IFT52: variants seen among roughly 807,000 people sequenced by gnomAD.
The protein encoded by IFT52 is intraflagellar transport protein 52 homolog.
In IFT52, 44 loss-of-function variants were observed where a neutral mutation model predicts 54.4. The observed-to-expected ratio is 0.81, with a 90% CI of 0.63 to 1.04. IFT52 has a LOEUF of 1.04. IFT52 is among the 50% of genes least tolerant of loss of function. IFT52 has a pLI of 0.00. For synonymous variants in IFT52, 181 were observed against 185.3 expected (o/e 0.98, Z 0.19); for missense variants, 452 against 523.6 (o/e 0.86, Z 1.33).
rs902680485 is a variant in IFT52, at chr20:43,637,331, C to T, written c.1120+78C>T. The T allele has an allele frequency of 7.4e-5, 50 of 678,382 alleles. No homozygotes were observed. The East Asian group carries it at 9.7e-4, about 13-fold the overall frequency. The allele number at this position is 678,382 out of a possible 1,614,324, so 42.0% of individuals were successfully genotyped here. A position where few individuals can be genotyped will look rare whatever the true frequency, so the allele number is the denominator to read the frequency against. The stretch of plus-strand genomic sequence containing the variant: ...AGGCTGGAGTGCAATGGTGCGATCT[C>T]GGCTCACTGCAACCTCTGTCTCCCA... On this transcript the variant is annotated intron_variant, in intron 12 of 13. Coordinates refer to ENST00000373030, the MANE Select transcript of IFT52 (RefSeq NM_016004.5).
At position 43,643,485 on chromosome 20, in the gene IFT52, C is replaced by CA. The variant is rs559641727; in HGVS notation, c.1266+871dup. Among the ~76,000 whole-genome samples, 236 of 45,990 alleles carry CA rather than the reference C, an allele frequency of 5.1e-3. 89 individuals are homozygous for CA. The highest frequency in any genetic ancestry group is 0.014 in the African/African-American group (222 of 15,902). The allele number at this position is 45,990 out of a possible 152,430, so 30.2% of individuals were successfully genotyped here. A position where few individuals can be genotyped will look rare whatever the true frequency, so the allele number is the denominator to read the frequency against. ...TGGGTAAGAGAGTGAGACTCTGTCT[C>CA]AAAAAAAAAACAAAAAAATAGAGCT... On this transcript the variant is annotated intron_variant, in intron 13 of 13. Coordinates refer to ENST00000373030, the MANE Select transcript of IFT52 (RefSeq NM_016004.5).
At chr20:43,630,073 T>G (rs1177812747) in intron 10 of IFT52, among the ~76,000 whole-genome samples, 2 of 151,908 alleles carry the variant, frequency 1.3e-5, no homozygotes, top group Non-Finnish European at 1.5e-5. Context: ...GCGTGACATC[T>G]GCATCACCCC....
chr20:43,606,668 A>T (rs1247835753), intron 6 of IFT52, among the ~76,000 whole-genome samples: 1 of 151,690 alleles, frequency 6.6e-6, no homozygotes. Flanking sequence ...ACAATAGTGG[A>T]GGGAAGGTCA....
intron 6 of IFT52, among the ~76,000 whole-genome samples, chr20:43,606,182 T>C (rs1292247172): frequency 6.6e-6 from 1 of 151,446 alleles, no homozygotes. Flanking sequence ...CATCGTACCA[T>C]TGCACTCTAG....
Position 43,591,705 on chromosome 20 carries a change from A to G in IFT52, c.-7+651A>G, listed in dbSNP as rs574739366. On this transcript the variant is annotated intron_variant, in intron 1 of 13. Transcript: ENST00000373030. ...TGCTAATAAGGGAGATTAGCTCTCC[A>G]GAACCACCAGATATTATAACATAAA... 3.9e-5 allele frequency among the ~76,000 whole-genome samples: 6 copies of G among 152,334 alleles called. No individual in the cohort carries two copies. In the East Asian group the frequency reaches 1.2e-3, roughly 29 times the overall value.
chr20:43,607,576 G>T (rs1013823226), intron 6 of IFT52, among the ~76,000 whole-genome samples: 25 of 148,126 alleles, frequency 1.7e-4, no homozygotes, highest in African/African-American at 6.0e-4. Flanking sequence ...ACGATGGGCG[G>T]CCGGGCAGAG....
intron 10 of IFT52, among the ~76,000 whole-genome samples, chr20:43,625,167 C>T (rs1008389896): frequency 6.6e-6 from 1 of 152,004 alleles, no homozygotes; most frequent in Admixed American, 6.6e-5. Context: ...TGATTACATA[C>T]GTCAAGCAGA....
intron 10 of IFT52, among the ~76,000 whole-genome samples, chr20:43,633,359 A>C (rs78590105): frequency 0.016 from 2,457 of 151,906 alleles, 70 homozygotes; most frequent in African/African-American, 0.057. Context: ...AAAAAGGTCA[A>C]AATTATTTAT....
chr20:43,595,300 G>C (rs1332844484), intron 2 of IFT52, among the ~76,000 whole-genome samples: 2 of 118,592 alleles, frequency 1.7e-5, no homozygotes, highest in Non-Finnish European at 3.2e-5. Flanking sequence ...CTGGGCAACA[G>C]AGTGAGACTC....
chr20:43,639,907 G>C (rs1985799570), intron 12 of IFT52, among the ~76,000 whole-genome samples: 3 of 152,084 alleles, frequency 2.0e-5, no homozygotes, highest in African/African-American at 7.2e-5. Flanking sequence ...TGGGTGCGAT[G>C]GCTCACACCT....
At chr20:43,599,492 C>A (rs1982258594) in intron 3 of IFT52, among the ~76,000 whole-genome samples, 1 of 152,170 alleles carries the variant, frequency 6.6e-6, no homozygotes. Context: ...TGACACCATA[C>A]CTTCTCTTTA....
intron 6 of IFT52, 139 bp from the exon 7 acceptor site, chr20:43,613,711 C>G: frequency 2.6e-6 from 2 of 756,596 alleles, no homozygotes; most frequent in Non-Finnish European, 4.4e-6. Context: ...GAGCCAAGAT[C>G]GCACCACTGC....
At chr20:43,602,379 C>G (rs1982534370) in intron 3 of IFT52, among the ~76,000 whole-genome samples, 1 of 152,052 alleles carries the variant, frequency 6.6e-6, no homozygotes, top group South Asian at 2.1e-4. Flanking sequence ...CCAGGCTGGT[C>G]TCGAGCTCCT....
At position 43,642,599 on chromosome 20, in the gene IFT52, T is replaced by C. The variant is rs781622014; in HGVS notation, c.1241T>C (p.Val414Ala). Reference protein sequence around the residue: ...KHILEHVFFQVVEFKKLNQEH... With the variant: ...KHILEHVFFQAVEFKKLNQEH... ...ATCCTTGAGCACGTCTTCTTCCAAG[T>C]GGTGGAGTTCAAGAAATTGAACCAG... The change falls in exon 13 of 14, where the codon GTG becomes GCG. Residue 414 changes from valine to alanine, a missense_variant. Val to Ala is a moderately conservative substitution (Grantham distance 64, BLOSUM62 0). Coordinates refer to ENST00000373030, the MANE Select transcript of IFT52 (RefSeq NM_016004.5). 2.4e-5 allele frequency: 38 copies of C among 1,613,974 alleles called. No homozygotes were observed. The highest frequency in any genetic ancestry group is 2.9e-5 in the Non-Finnish European group (34 of 1,180,014).
intron 6 of IFT52, among the ~76,000 whole-genome samples, chr20:43,606,030 G>A (rs760957651): frequency 1.3e-4 from 20 of 152,042 alleles, no homozygotes; most frequent in Non-Finnish European, 2.4e-4. Context: ...AAACCAGCCT[G>A]GCTAACATGG....
chr20:43,609,962 A>T (rs59832829), intron 6 of IFT52, among the ~76,000 whole-genome samples: 10,111 of 150,354 alleles, frequency 0.067, 344 homozygotes, highest in Middle Eastern at 0.14. Flanking sequence ...AAAATAAAAT[A>T]AAATTAAATT....
At chr20:43,607,451 G>A (rs1292797273) in intron 6 of IFT52, among the ~76,000 whole-genome samples, 3 of 151,170 alleles carry the variant, frequency 2.0e-5, no homozygotes, top group Non-Finnish European at 4.4e-5. Flanking sequence ...TCACTTCTCA[G>A]ACAGGGCGGC....
Position 43,614,342 on chromosome 20 carries a change from C to T in IFT52, c.612+366C>T, listed in dbSNP as rs146010881. Among the ~76,000 whole-genome samples, 1,415 of 151,424 alleles carry T rather than the reference C, an allele frequency of 9.3e-3. 19 individuals are homozygous for T. Among genetic ancestry groups the T allele is most frequent in the African/African-American group, 0.032 (1,316 of 41,232 alleles). ...CTCCACCTCCCGGGTTCACGCCATT[C>T]TCCTGCCTCAGCCTCCCGAGTAGCT... On this transcript the variant is annotated intron_variant, in intron 7 of 13. Coordinates refer to ENST00000373030, the MANE Select transcript of IFT52 (RefSeq NM_016004.5).
chr20:43,603,967 G>A (rs1387421150), intron 4 of IFT52, 78 bp downstream of exon 4: 1 of 1,125,276 alleles, frequency 8.9e-7, no homozygotes, highest in East Asian at 2.4e-5. Flanking sequence ...TAGGTCCAGT[G>A]GCATAATGGA....
Sources: allele counts gnomAD v4.1 joint callset (sites outside exome capture counted in the v4.1 genomes callset), GRCh38; gene constraint gnomAD v4.1.1; transcripts MANE v1.5; gene names NCBI Gene and HGNC (gene_info 2026-07-23, HGNC 2026-07-21).